The following RPL28 variants were observed in gnomAD, a reference collection of about 807,000 sequenced individuals.
The protein encoded by RPL28 is large ribosomal subunit protein eL28.
In RPL28, 4 loss-of-function variants were observed where a neutral mutation model predicts 12.5. The observed-to-expected ratio is 0.32, with a 90% CI of 0.16 to 0.73. The LOEUF (loss-of-function observed/expected upper bound fraction) is 0.73, where lower values mean the gene tolerates loss of function less well. Ranked by LOEUF, RPL28 falls within the 30% of genes least tolerant of loss-of-function variation. The pLI, the probability that RPL28 is intolerant of heterozygous loss-of-function variation, is 0.66. For synonymous variants in RPL28, 91 were observed against 72.5 expected, an observed-to-expected ratio of 1.26 and a Z score of -1.30; for missense variants, 214 against 197.7, an observed-to-expected ratio of 1.08 and a Z score of -0.49.
At chr19:55,395,716 T>G (rs996256312), downstream of RPL28, among the ~76,000 whole-genome samples, 5 of 152,054 alleles carry the variant, frequency 3.3e-5, no homozygotes, top group Non-Finnish European at 7.4e-5. Flanking sequence ...GTGCTGGGAT[T>G]ACAGGCATGA....
intron 1 of RPL28, 154 bp from the exon 2 acceptor site, chr19:55,386,196 G>A: frequency 1.5e-6 from 1 of 678,540 alleles, no homozygotes; most frequent in Non-Finnish European, 2.5e-6. Context: ...AGTCCCGCCT[G>A]ACAAGAGTTC....
chr19:55,391,483 T>A lies in RPL28; in HGVS notation c.*3151T>A. 7.2e-7 allele frequency: 1 copy of A among 1,390,218 alleles called. No homozygotes were observed. The highest frequency in any genetic ancestry group is 9.4e-7 in the Non-Finnish European group (1 of 1,060,262). The allele number at this position is 1,390,218 out of a possible 1,614,324, so 86.1% of individuals were successfully genotyped here. A position where few individuals can be genotyped will look rare whatever the true frequency, so the allele number is the denominator to read the frequency against. ...TGGAAGGCTGCCAAGCCCAAAGTTG[T>A]GCAGAGCGCTGGGGACTCCAGACTC... On this transcript the variant is annotated 3_prime_UTR_variant, in exon 5 of 5. Coordinates refer to ENST00000344063, the MANE Select transcript of RPL28 (RefSeq NM_000991.5).
rs1251991132 is a variant in RPL28, at chr19:55,391,597, C to T, written c.*3265C>T. 6.5e-7 allele frequency: 1 copy of T among 1,548,564 alleles called. No individual in the cohort carries two copies. Among genetic ancestry groups the T allele is most frequent in the Non-Finnish European group, 8.7e-7 (1 of 1,144,312 alleles). ...GGGTCAGGGCTCTGCTGCTCGGTGG[C>T]TGTGCAACCTTGGGCAAGTTCCTCA... On this transcript the variant is annotated 3_prime_UTR_variant, in exon 5 of 5. Transcript: ENST00000344063.
intron 3 of RPL28, chr19:55,387,252 T>G: frequency 6.5e-7 from 1 of 1,542,380 alleles, no homozygotes; most frequent in Non-Finnish European, 8.8e-7. Flanking sequence ...CAGCTTCACA[T>G]GTGTTCTTGA....
chr19:55,392,298 C>T (rs565849490), downstream of RPL28, among the ~76,000 whole-genome samples: 3 of 152,246 alleles, frequency 2.0e-5, no homozygotes, highest in South Asian at 6.2e-4. Context: ...GTGGCGCAAT[C>T]ACGGCTCACT....
At chr19:55,395,127 CTTATTTAT>C (rs139235393), downstream of RPL28, among the ~76,000 whole-genome samples, 1 of 151,640 alleles carries the variant, frequency 6.6e-6, no homozygotes, top group African/African-American at 2.4e-5. Flanking sequence ...TTTTCCTTTT[CTTATTTAT>C]TTATTTATTT....
At chr19:55,396,147 C>T (rs749972281), downstream of RPL28, among the ~76,000 whole-genome samples, 1 of 150,874 alleles carries the variant, frequency 6.6e-6, no homozygotes, top group African/African-American at 2.4e-5. Flanking sequence ...AGTGTGCACC[C>T]GTAGTTCCAG....
At position 55,397,769 on chromosome 19, in the gene RPL28, T is replaced by TGAGGTGGGAGGTGG. The variant is rs138569031; in HGVS notation, c.325-5148_325-5135dup. On this transcript the variant is annotated intron_variant, in intron 4 of 4. Transcript: ENST00000560055. Reference sequence around the variant, plus strand: ...TTATAGTCCCAGCTACTAGGGAGGCTGAGGTGGGAGGTGGGAGGTGGGAGG... The same window carrying TGAGGTGGGAGGTGG: ...TTATAGTCCCAGCTACTAGGGAGGCTGAGGTGGGAGGTGGGAGGTGGGAGGTGGGAGGTGGGAGG... Among the ~76,000 whole-genome samples, 310 of 128,732 alleles carry TGAGGTGGGAGGTGG rather than the reference T, an allele frequency of 2.4e-3. 3 individuals carry two copies. The highest frequency in any genetic ancestry group is 4.3e-3 in the Non-Finnish European group (256 of 59,300). The allele number at this position is 128,732 out of a possible 152,430, so 84.5% of individuals were successfully genotyped here.
rs11668142 is a variant in RPL28, at chr19:55,389,049, C to G, written c.*717C>G. ...CTTAGGTCTCATCTCAGTGGCCGCT[C>G]CTGGGCCACCCTGTCACCCAAGCTT... On this transcript the variant is annotated 3_prime_UTR_variant, in exon 5 of 5. Transcript: ENST00000344063. 0.37 allele frequency: 362,144 copies of G among 985,052 alleles called. 69,562 individuals carry two copies. The highest frequency in any genetic ancestry group is 0.75 in the East Asian group (6,626 of 8,808). 61.0% of individuals were successfully genotyped at this position (985,052 alleles called of 1,614,324 possible).
Position 55,388,535 on chromosome 19 carries a change from C to T in RPL28, c.*203C>T. 1.1e-5 allele frequency: 14 copies of T among 1,288,676 alleles called. No individual in the cohort carries two copies. The highest frequency in any genetic ancestry group is 1.4e-5 in the Non-Finnish European group (14 of 1,016,954). 79.8% of individuals were successfully genotyped at this position (1,288,676 alleles called of 1,614,324 possible). ...GAGGGGTGGGGTAGCTGCCTTGTCC[C>T]TGGTGAGGGCAAGGGTCACTGTCTT... On this transcript the variant is annotated 3_prime_UTR_variant, in exon 5 of 5. Transcript: ENST00000344063.
In RPL28 at chr19:55,389,905, T is replaced by G; in HGVS notation, c.*1573T>G. The G allele has an allele frequency of 2.0e-6, 2 of 985,572 alleles. No homozygotes were observed. Among genetic ancestry groups the G allele is most frequent in the Non-Finnish European group, 2.4e-6 (2 of 830,088 alleles). 61.1% of individuals were successfully genotyped at this position (985,572 alleles called of 1,614,324 possible). A position where few individuals can be genotyped will look rare whatever the true frequency, so the allele number is the denominator to read the frequency against. ...CGTACCTGCTCAGGAGCCCCCACTGTCCCAGTCCCACTCAGGCCCATCTCT... is the reference window on the plus strand; with the variant it reads ...CGTACCTGCTCAGGAGCCCCCACTGGCCCAGTCCCACTCAGGCCCATCTCT... On this transcript the variant is annotated 3_prime_UTR_variant, in exon 5 of 5. Coordinates refer to ENST00000344063, the MANE Select transcript of RPL28 (RefSeq NM_000991.5).
At chr19:55,386,954 G>T (rs1405732330) in intron 3 of RPL28, 1 of 1,457,564 alleles carries the variant, frequency 6.9e-7, no homozygotes. Flanking sequence ...GAGAGTTAAG[G>T]CACGGGGTTG....
chr19:55,387,672 C>T, intron 3 of RPL28: 3 of 1,388,884 alleles, frequency 2.2e-6, no homozygotes, highest in Non-Finnish European at 2.8e-6. Context: ...AGCTTTCTGG[C>T]ATGAGAAAGG....
At chr19:55,387,744 C>G (rs2089946882) in intron 3 of RPL28, 186 bp from the exon 4 acceptor site, 4 of 1,447,152 alleles carry the variant, frequency 2.8e-6, no homozygotes, top group African/African-American at 1.4e-5. Context: ...CCTCAGTACT[C>G]CGTGATGACG....
Position 55,390,701 on chromosome 19 carries a change from G to C in RPL28, c.*2369G>C. 1.0e-6 allele frequency: 1 copy of C among 985,482 alleles called. No individual in the cohort carries two copies. The highest frequency in any genetic ancestry group is 1.7e-5 in the African/African-American group (1 of 57,366). 61.0% of individuals were successfully genotyped at this position (985,482 alleles called of 1,614,324 possible). A position where few individuals can be genotyped will look rare whatever the true frequency, so the allele number is the denominator to read the frequency against. ...GGGCCTCTGTTCCTGCGGGTGGCCA[G>C]CCTGTCTGTGTGGCTGGGCTGGGGA... On this transcript the variant is annotated 3_prime_UTR_variant, in exon 5 of 5. Transcript: ENST00000344063.
Position 55,386,668 on chromosome 19 carries a change from CGTG to C in RPL28, c.186_188del (p.Val63del), listed in dbSNP as rs751066825. 2 of 1,614,142 alleles carry C rather than the reference CGTG, an allele frequency of 1.2e-6. No homozygotes were observed. The highest frequency in any genetic ancestry group is 1.7e-6 in the Non-Finnish European group (2 of 1,180,016). On this transcript the variant is annotated inframe_deletion, in exon 3 of 5. Transcript: ENST00000344063. The stretch of plus-strand genomic sequence containing the variant: ...AGCCGGCAGCCGACGGCAAAGGTGT[CGTG>C]GTGGTCATTAAGCGGAGATCCGGTG...
chr19:55,386,833 G>A, intron 3 of RPL28, 140 bp downstream of exon 3: 1 of 1,578,552 alleles, frequency 6.3e-7, no homozygotes, highest in Non-Finnish European at 8.6e-7. Flanking sequence ...CTGGGTACCG[G>A]CTTCCCTCTC....
rs200933021 is a variant in RPL28 at position 55,401,627 on chromosome 19, C to T, written c.325-1316C>T. 949 of 1,606,054 alleles carry T rather than the reference C, an allele frequency of 5.9e-4. 4 individuals carry two copies. The African/African-American group carries it at 0.011, about 18-fold the overall frequency. ...CCGGCTTCGGCCCTGCCGCTGGGCCCGCCGGCGCCCCCGTGGATCTCTGTG... is the reference window on the plus strand; with the variant it reads ...CCGGCTTCGGCCCTGCCGCTGGGCCTGCCGGCGCCCCCGTGGATCTCTGTG... On this transcript the variant is annotated intron_variant, in intron 4 of 4. Transcript: ENST00000560055.
intron 4 of RPL28, among the ~76,000 whole-genome samples, chr19:55,398,742 C>G (rs1013573796): frequency 6.6e-6 from 1 of 151,992 alleles, no homozygotes; most frequent in African/African-American, 2.4e-5. Context: ...CACTCTGTTG[C>G]CCAGACTGGA....
Sources: gnomAD v4.1 joint callset for allele counts (sites outside exome capture counted in the v4.1 genomes callset) on GRCh38, gnomAD v4.1.1 for gene constraint, MANE v1.5 for transcripts, NCBI Gene and HGNC (gene_info 2026-07-23, HGNC 2026-07-21) for gene names.